The following PCNT variants were observed in gnomAD, a reference collection of about 807,000 sequenced individuals.
PCNT encodes pericentrin, also known as kendrin.
PCNT carries 319 observed loss-of-function variants against 380.4 expected under a neutral mutation model. That is an observed-to-expected ratio of 0.84 (90% CI 0.77 to 0.92). The LOEUF is 0.92. Among genes scored for constraint, PCNT ranks in the 40% least tolerant of loss-of-function variants. The pLI, the probability that PCNT is intolerant of heterozygous loss-of-function variation, is 0.00. For missense variants in PCNT, 4,400 were observed against 4,255.3 expected (o/e 1.03, Z -0.95); for synonymous variants, 1,845 against 1,735.2 (o/e 1.06, Z -1.57).
rs187092426 is a variant in PCNT at position 46,442,773 on chromosome 21, A to G, written c.9700+200A>G. The G allele has an allele frequency of 5.9e-4, 370 of 628,748 alleles. 1 individual carries two copies. The highest frequency in any genetic ancestry group is 5.9e-3 in the African/African-American group (322 of 54,926). 38.9% of individuals were successfully genotyped at this position (628,748 alleles called of 1,614,324 possible). ...AGGTCAGAGCTCATGTTAGCTATGA[A>G]CACAGGTCACAGGGGCGTACGGCGA... On this transcript the variant is annotated intron_variant, in intron 44 of 46. Transcript: ENST00000359568.
chr21:46,399,742 C>T lies in PCNT; in HGVS notation c.4737C>T (p.Ala1579=). 3 of 1,614,010 alleles carry T rather than the reference C, an allele frequency of 1.9e-6. No homozygotes were observed. In the African/African-American group the frequency reaches 4.0e-5, roughly 22 times the overall value. ...EMNINIRKKV[A]QLQEEVEKQK... ...ACATCAACATCAGGAAAAAAGTGGC[C>T]CAGCTCCAGGAAGAAGTGGAAAAAC... Residue 1579 remains alanine, a synonymous_variant, in exon 25 of 47, where the codon GCC becomes GCT. Coordinates refer to ENST00000359568, the MANE Select transcript of PCNT (RefSeq NM_006031.6).
chr21:46,383,305 C>G (rs536259623), intron 16 of PCNT, among the ~76,000 whole-genome samples: 6 of 142,706 alleles, frequency 4.2e-5, no homozygotes. Context: ...GAAGCGCATT[C>G]ACGGTGTTGT....
chr21:46,334,772 T>G lies in PCNT; in HGVS notation c.639+4T>G. ...ACAGCGTGGGATGTTCACAAAGGTA[T>G]TCTTTAAGTTCTCTGTTAAGGTGTA... On this transcript the variant is annotated splice_donor_region_variant and intron_variant, in intron 3 of 46. Coordinates refer to ENST00000359568, the MANE Select transcript of PCNT (RefSeq NM_006031.6). The G allele has an allele frequency of 6.2e-7, 1 of 1,614,036 alleles. No individual in the cohort carries two copies. Among genetic ancestry groups the G allele is most frequent in the South Asian group, 1.1e-5 (1 of 91,092 alleles).
intron 14 of PCNT, 106 bp downstream of exon 14, chr21:46,364,040 A>G: frequency 9.7e-7 from 1 of 1,025,786 alleles, no homozygotes; most frequent in East Asian, 2.5e-5. Flanking sequence ...CCACTGGGCG[A>G]AAAGGTCTGG....
chr21:46,358,687 C>T (rs1022345041), intron 13 of PCNT, among the ~76,000 whole-genome samples: 9 of 151,550 alleles, frequency 5.9e-5, no homozygotes, highest in Non-Finnish European at 7.4e-5. Flanking sequence ...CGTAGTGGCG[C>T]GATCTCAGCT....
chr21:46,394,496 G>A, intron 21 of PCNT: 2 of 984,836 alleles, frequency 2.0e-6, no homozygotes, highest in Non-Finnish European at 2.4e-6. Context: ...GCAAACTCTT[G>A]TTCATAGGCA....
intron 32 of PCNT, among the ~76,000 whole-genome samples, chr21:46,424,286 A>G (rs1026585592): frequency 1.3e-5 from 2 of 152,186 alleles, no homozygotes; most frequent in Admixed American, 6.5e-5. Context: ...TAGGTGCTGG[A>G]GCTCAGGAAA....
intron 31 of PCNT, chr21:46,420,499 G>T (rs2087206351): frequency 6.6e-6 from 1 of 152,120 alleles, no homozygotes; most frequent in South Asian, 2.1e-4. Flanking sequence ...TTTTTGGAGG[G>T]CGTTCTTGAG....
intron 24 of PCNT, among the ~76,000 whole-genome samples, chr21:46,398,591 C>G (rs931844119): frequency 6.6e-6 from 1 of 152,206 alleles, no homozygotes; most frequent in East Asian, 1.9e-4. Context: ...CACGGACCCT[C>G]GTGTACTGGG....
At chr21:46,324,968 C>T (rs2083321033) in intron 1 of PCNT, 1 of 943,648 alleles carries the variant, frequency 1.1e-6, no homozygotes, top group Non-Finnish European at 1.2e-6. Context: ...GGCTCGCGTC[C>T]TGCCCGTCCG....
chr21:46,343,721 A>G (rs1299165618), intron 3 of PCNT, among the ~76,000 whole-genome samples: 1 of 152,218 alleles, frequency 6.6e-6, no homozygotes, highest in Non-Finnish European at 1.5e-5. Flanking sequence ...AATGTCTGAT[A>G]GAATTCAGCT....
chr21:46,376,860 T>C (rs992605376), intron 15 of PCNT, among the ~76,000 whole-genome samples: 1 of 152,264 alleles, frequency 6.6e-6, no homozygotes, highest in African/African-American at 2.4e-5. Flanking sequence ...TTCAAACAGA[T>C]GGAACTAAAT....
rs561127900 is a variant in PCNT, at chr21:46,404,692, G to A, written c.5115+2209G>A. Reference sequence around the variant, plus strand: ...GTTGGGCACGGTGGCTCAAACGCCTGTATTCTCAGCACTTTGGGAGACTGA... The same window carrying A: ...GTTGGGCACGGTGGCTCAAACGCCTATATTCTCAGCACTTTGGGAGACTGA... On this transcript the variant is annotated intron_variant, in intron 27 of 46. Coordinates refer to ENST00000359568, the MANE Select transcript of PCNT (RefSeq NM_006031.6). Among the ~76,000 whole-genome samples the A allele has an allele frequency of 3.3e-5, 5 of 152,324 alleles. No individual in the cohort carries two copies. In the South Asian group the frequency reaches 1.0e-3, roughly 32 times the overall value.
Position 46,440,971 on chromosome 21 carries a change from A to G in PCNT, c.9510A>G (p.Thr3170=), listed in dbSNP as rs2053592881. The change falls in exon 43 of 47, where the codon ACA becomes ACG. Residue 3170 remains threonine (T), a synonymous_variant. Transcript: ENST00000359568. Reference sequence around the variant, plus strand: ...GATTCCAGGATTCTGAACAAGAAACACTCTCCATGATTGCCCATTTGGGGG... The same window carrying G: ...GATTCCAGGATTCTGAACAAGAAACGCTCTCCATGATTGCCCATTTGGGGG... The part of the protein sequence containing the change: ...IGGFQDSEQE[T]LSMIAHLGVF... 2.5e-6 allele frequency: 4 copies of G among 1,613,368 alleles called. No individual in the cohort carries two copies. In the East Asian group the frequency reaches 8.9e-5, roughly 36 times the overall value.
chr21:46,345,237 A>G (rs1191222687), intron 3 of PCNT, among the ~76,000 whole-genome samples: 1 of 151,832 alleles, frequency 6.6e-6, no homozygotes, highest in Non-Finnish European at 1.5e-5. Context: ...TATTTTTTTG[A>G]GGTGGAGTCT....
In PCNT at chr21:46,440,175, C is replaced by G; in HGVS notation, c.9366C>G (p.Ser3122Arg). Residue 3122 changes from serine (S) to arginine (R), a missense_variant, in exon 42 of 47, where the codon AGC (serine) becomes AGG (arginine). By Grantham distance (110) the Ser-to-Arg change is moderately radical. Coordinates refer to ENST00000359568, the MANE Select transcript of PCNT (RefSeq NM_006031.6). ...PDPGRLPPAASEEAHTSNVKM... is the reference protein window; with the variant it reads ...PDPGRLPPAAREEAHTSNVKM... Reference sequence around the variant, plus strand: ...CCGGCCGGCTTCCACCAGCTGCCAGCGAGGAAGCACACACCAGCAATGTCA... The same window carrying G: ...CCGGCCGGCTTCCACCAGCTGCCAGGGAGGAAGCACACACCAGCAATGTCA... The G allele has an allele frequency of 6.2e-7, 1 of 1,614,042 alleles. No individual in the cohort carries two copies. Among genetic ancestry groups the G allele is most frequent in the Non-Finnish European group, 8.5e-7 (1 of 1,179,994 alleles).
intron 16 of PCNT, among the ~76,000 whole-genome samples, chr21:46,382,610 A>G (rs112262302): frequency 0.074 from 9,261 of 124,904 alleles, 2,108 homozygotes; most frequent in African/African-American, 0.32. Flanking sequence ...GGTGTTGTGC[A>G]TTCAGTGGCG....
chr21:46,412,364 A>G (rs1019991563), intron 28 of PCNT, among the ~76,000 whole-genome samples: 3 of 152,192 alleles, frequency 2.0e-5, no homozygotes, highest in Admixed American at 1.3e-4. Flanking sequence ...AACGGAGCTC[A>G]CTATGTGAGG....
rs1170801639 is a variant in PCNT, at chr21:46,430,597, G to T, written c.8004G>T (p.Gln2668His). The part of the protein sequence containing the change: ...EQGKGRALQS[Q>H]LEEEQLRHLQ... ...GGAAGGGGCGTGCCCTGCAGAGCCA[G>T]CTGGAGGAGGAGCAGCTGCGGCACC... is the stretch of plus-strand genomic sequence containing the variant. Residue 2668 changes from glutamine (Q) to histidine (H), a missense_variant, in exon 37 of 47, where the codon CAG becomes CAT. By Grantham distance (24) the Gln-to-His change is conservative. Transcript: ENST00000359568. 6 of 1,566,680 alleles carry T rather than the reference G, an allele frequency of 3.8e-6. No individual in the cohort carries two copies. The Admixed American group carries it at 5.6e-5, about 15-fold the overall frequency.
Sources: gnomAD v4.1 joint callset for allele counts (sites outside exome capture counted in the v4.1 genomes callset) on GRCh38, gnomAD v4.1.1 for gene constraint, MANE v1.5 for transcripts, NCBI Gene and HGNC (gene_info 2026-07-23, HGNC 2026-07-21) for gene names.